DENND5A: variants seen among roughly 807,000 people sequenced by gnomAD.
DENND5A encodes the protein DENN domain containing 5A, also known as DENN domain-containing protein 5A.
In DENND5A, 64 loss-of-function variants were observed where a neutral mutation model predicts 140.3. That is an observed-to-expected ratio of 0.46 (90% CI 0.37 to 0.56). The LOEUF (loss-of-function observed/expected upper bound fraction) is 0.56, where lower values mean the gene tolerates loss of function less well. Among genes scored for constraint, DENND5A ranks in the 20% least tolerant of loss-of-function variants. The probability of loss-of-function intolerance (pLI) is 0.00; values close to 1 mark genes in which losing one functional copy is unlikely to be tolerated. For missense variants in DENND5A, 1,292 were observed against 1,593.8 expected (o/e 0.81, Z 3.22); for synonymous variants, 605 against 607.7 (o/e 1.00, Z 0.07).
At chr11:9,140,198 C>T (rs1847191306) in intron 22 of DENND5A, 1 of 1,347,064 alleles carries the variant, frequency 7.4e-7, no homozygotes, top group East Asian at 4.4e-5. Flanking sequence ...CCTCACATAA[C>T]ACTCAGCATG....
At chr11:9,177,394 G>A (rs891962913) in intron 8 of DENND5A, among the ~76,000 whole-genome samples, 1 of 151,898 alleles carries the variant, frequency 6.6e-6, no homozygotes, top group African/African-American at 2.4e-5. Flanking sequence ...GTTCATGCGC[G>A]TAATGCCAAC....
intron 1 of DENND5A, among the ~76,000 whole-genome samples, chr11:9,257,767 C>T (rs1564946467): frequency 6.6e-6 from 1 of 151,078 alleles, no homozygotes; most frequent in Non-Finnish European, 1.5e-5. Context: ...CAGGCGTGAG[C>T]CACCGCGCCC....
chr11:9,240,709 C>CA (rs139278051), intron 1 of DENND5A, among the ~76,000 whole-genome samples: 24,291 of 149,440 alleles, frequency 0.16, 2,121 homozygotes, highest in Non-Finnish European at 0.2. Context: ...GACCCTGTCT[C>CA]AAAACAAAAA....
chr11:9,178,596 C>T (rs1848622882), intron 7 of DENND5A, among the ~76,000 whole-genome samples: 1 of 152,008 alleles, frequency 6.6e-6, no homozygotes, highest in Non-Finnish European at 1.5e-5. Context: ...AACCAATCTT[C>T]CCAGAATCCT....
chr11:9,198,042 G>C (rs544988337), intron 4 of DENND5A, among the ~76,000 whole-genome samples: 1 of 152,272 alleles, frequency 6.6e-6, no homozygotes, highest in Admixed American at 6.5e-5. Context: ...ACCTGTGCTA[G>C]CTGAACTTAC....
chr11:9,206,902 C>A, intron 2 of DENND5A, 120 bp from the exon 3 acceptor site: 3 of 687,646 alleles, frequency 4.4e-6, no homozygotes, highest in Non-Finnish European at 7.6e-6. Flanking sequence ...GGTTAGTATG[C>A]CAACCATCTA....
intron 5 of DENND5A, among the ~76,000 whole-genome samples, chr11:9,183,887 T>C (rs187361894): frequency 2.0e-5 from 3 of 152,156 alleles, no homozygotes; most frequent in Non-Finnish European, 4.4e-5. Flanking sequence ...TCAGTTTTCC[T>C]GTTAAAAGAC....
intron 4 of DENND5A, among the ~76,000 whole-genome samples, chr11:9,196,067 C>G (rs1487028752): frequency 6.6e-6 from 1 of 152,178 alleles, no homozygotes; most frequent in Non-Finnish European, 1.5e-5. Context: ...ATTCTCTTGC[C>G]TCAGCCTCCC....
intron 1 of DENND5A, among the ~76,000 whole-genome samples, chr11:9,263,538 T>A (rs979746120): frequency 2.4e-4 from 36 of 147,994 alleles, no homozygotes; most frequent in Non-Finnish European, 3.4e-4. Flanking sequence ...CCCCGCCTAA[T>A]TTTTTTTTCA....
Position 9,141,881 on chromosome 11 carries a change from C to T in DENND5A, c.3680+59G>A, listed in dbSNP as rs1466234714. On this transcript the variant is annotated intron_variant, in intron 22 of 22. Transcript: ENST00000328194. The stretch of plus-strand genomic sequence containing the variant: ...TTCCTCACCCCTGCACTGCACCAGG[C>T]CTCCAACACCACCACCAAGGCTAAC... 14 of 1,478,630 alleles carry T rather than the reference C, an allele frequency of 9.5e-6. No homozygotes were observed. In the East Asian group the frequency reaches 3.3e-4, roughly 35 times the overall value. The allele number at this position is 1,478,630 out of a possible 1,614,324, so 91.6% of individuals were successfully genotyped here.
intron 12 of DENND5A, among the ~76,000 whole-genome samples, chr11:9,153,550 T>G (rs1847704178): frequency 6.6e-6 from 1 of 152,120 alleles, no homozygotes; most frequent in Non-Finnish European, 1.5e-5. Context: ...CTTGGTGAAC[T>G]AGGCAAAGCA....
chr11:9,212,999 T>C (rs1849938182), intron 1 of DENND5A, among the ~76,000 whole-genome samples: 1 of 113,574 alleles, frequency 8.8e-6, no homozygotes, highest in Admixed American at 1.0e-4. Flanking sequence ...TTCCTGGTTC[T>C]GATTTTTTTT....
chr11:9,217,643 T>A (rs1345691485), intron 1 of DENND5A, among the ~76,000 whole-genome samples: 1 of 152,190 alleles, frequency 6.6e-6, no homozygotes, highest in East Asian at 1.9e-4. Context: ...TTTAAAGTGA[T>A]TAAAATATTC....
intron 1 of DENND5A, among the ~76,000 whole-genome samples, chr11:9,221,000 T>C (rs1850290691): frequency 6.6e-6 from 1 of 151,302 alleles, no homozygotes; most frequent in Non-Finnish European, 1.5e-5. Context: ...GAGGACTGCT[T>C]GAGCCCAGGA....
At chr11:9,167,488 A>AG (rs1446564791) in intron 10 of DENND5A, among the ~76,000 whole-genome samples, 2 of 151,316 alleles carry the variant, frequency 1.3e-5, no homozygotes, top group Non-Finnish European at 2.9e-5. Flanking sequence ...AAAAAAAAAA[A>AG]AAAAGAAAAA....
At chr11:9,251,257 G>A (rs1851708532) in intron 1 of DENND5A, among the ~76,000 whole-genome samples, 1 of 151,938 alleles carries the variant, frequency 6.6e-6, no homozygotes, top group Non-Finnish European at 1.5e-5. Flanking sequence ...CAGCATTCCA[G>A]GAAAGCATTT....
intron 1 of DENND5A, among the ~76,000 whole-genome samples, chr11:9,250,321 A>G (rs1286694721): frequency 6.6e-6 from 1 of 152,124 alleles, no homozygotes; most frequent in African/African-American, 2.4e-5. Flanking sequence ...TACCTAGTCT[A>G]AGAAAAACAT....
intron 6 of DENND5A, among the ~76,000 whole-genome samples, chr11:9,179,500 C>CTTTTTT (rs55812362): frequency 7.2e-6 from 1 of 138,502 alleles, no homozygotes; most frequent in Non-Finnish European, 1.6e-5. Context: ...GCAAAAAAAC[C>CTTTTTT]TTTTTTTTTT....
At chr11:9,253,849 G>A (rs1477422043) in intron 1 of DENND5A, among the ~76,000 whole-genome samples, 1 of 151,166 alleles carries the variant, frequency 6.6e-6, no homozygotes, top group Non-Finnish European at 1.5e-5. Flanking sequence ...CTGGGCAACA[G>A]GGTGAGACCC....
Sources: gnomAD v4.1 joint callset for allele counts (sites outside exome capture counted in the v4.1 genomes callset) on GRCh38, gnomAD v4.1.1 for gene constraint, MANE v1.5 for transcripts, NCBI Gene and HGNC (gene_info 2026-07-23, HGNC 2026-07-21) for gene names.